The following SLC16A7 variants were observed in gnomAD, a reference collection of about 807,000 sequenced individuals.
SLC16A7 encodes the protein solute carrier family 16 member 7.
A neutral mutation model predicts 34.9 loss-of-function variants in SLC16A7; 33 were observed. The ratio of observed to expected loss-of-function variants is 0.94; its 90% CI spans 0.72 to 1.26. SLC16A7 has a LOEUF of 1.26. SLC16A7 is among the 50% of genes most tolerant of loss of function. The probability of loss-of-function intolerance (pLI) is 0.00; values close to 1 mark genes in which losing one functional copy is unlikely to be tolerated. For synonymous variants in SLC16A7, 201 were observed against 206.6 expected (o/e 0.97, Z 0.23); for missense variants, 573 against 578.1 (o/e 0.99, Z 0.09).
In SLC16A7 at chr12:59,744,178, C is replaced by T. The variant is rs1878635589; in HGVS notation, c.218-27041C>T. ...CCCACCCTCAAGCCTGGAACAGCAG[C>T]CCAAAATGAGAACATACATTTCTTT... On this transcript the variant is annotated intron_variant, in intron 3 of 5. Transcript: ENST00000547379. 3.3e-5 allele frequency among the ~76,000 whole-genome samples: 5 copies of T among 152,188 alleles called. No individual in the cohort carries two copies. The South Asian group carries it at 1.0e-3, about 31-fold the overall frequency.
At chr12:59,766,748 G>A (rs1479417725) in intron 3 of SLC16A7, among the ~76,000 whole-genome samples, 2 of 152,134 alleles carry the variant, frequency 1.3e-5, no homozygotes, top group African/African-American at 4.8e-5. Flanking sequence ...TTTTATTGAG[G>A]ATTTTTGCAT....
At chr12:59,681,732 A>G (rs1870763607) in intron 2 of SLC16A7, among the ~76,000 whole-genome samples, 3 of 152,140 alleles carry the variant, frequency 2.0e-5, no homozygotes. Flanking sequence ...TATACTCTTT[A>G]TTAATTTCTT....
Position 59,740,366 on chromosome 12 carries a change from G to A in SLC16A7, c.218-30853G>A, listed in dbSNP as rs898087181. On this transcript the variant is annotated intron_variant, in intron 3 of 5. Transcript: ENST00000547379. Reference sequence around the variant, plus strand: ...GATCAGATAGTTGTAGATATGCGGCGTTATTTCTGAGGGCTCTGTTCTGTT... The same window carrying A: ...GATCAGATAGTTGTAGATATGCGGCATTATTTCTGAGGGCTCTGTTCTGTT... Among the ~76,000 whole-genome samples, 329 of 152,106 alleles carry A rather than the reference G, an allele frequency of 2.2e-3. 1 individual carries two copies. The highest frequency in any genetic ancestry group is 7.6e-3 in the African/African-American group (314 of 41,476).
At chr12:59,664,108 T>C (rs1380781028) in intron 2 of SLC16A7, among the ~76,000 whole-genome samples, 1 of 151,906 alleles carries the variant, frequency 6.6e-6, no homozygotes, top group Non-Finnish European at 1.5e-5. Context: ...TATATGGCCT[T>C]ACATAAGTAA....
intron 1 of SLC16A7, among the ~76,000 whole-genome samples, chr12:59,628,621 A>G (rs1276745936): frequency 6.6e-6 from 1 of 151,748 alleles, no homozygotes; most frequent in African/African-American, 2.4e-5. Context: ...GGTGAGGGAA[A>G]AAACACATCA....
intron 3 of SLC16A7, chr12:59,719,770 CAG>C: frequency 1.8e-5 from 5 of 270,998 alleles, no homozygotes; most frequent in Admixed American, 5.3e-5. Context: ...CCTCCAAAAA[CAG>C]AGAACTGGTT....
chr12:59,678,005 G>C (rs1870443027), intron 2 of SLC16A7, among the ~76,000 whole-genome samples: 3 of 152,160 alleles, frequency 2.0e-5, no homozygotes. Context: ...TGCTCTGCTG[G>C]CCTGAATATC....
chr12:59,600,657 G>A (rs1192394915), intron 1 of SLC16A7, among the ~76,000 whole-genome samples: 1 of 152,160 alleles, frequency 6.6e-6, no homozygotes, highest in East Asian at 1.9e-4. Context: ...TAGTAAATAA[G>A]TGGAGGGTCT....
At position 59,780,554 on chromosome 12, in the gene SLC16A7, CT is replaced by C. The variant is rs1224755460; in HGVS notation, c.*877del. On this transcript the variant is annotated 3_prime_UTR_variant, in exon 6 of 6. Coordinates refer to ENST00000547379, the MANE Select transcript of SLC16A7 (RefSeq NM_001270623.2). ...CTAATATGTAAAAGTCTGCATGACT[CT>C]TAACAATGAGTCACATCCATTGATT... 12 of 152,026 alleles carry C rather than the reference CT, an allele frequency of 7.9e-5. No individual in the cohort carries two copies. The highest frequency in any genetic ancestry group is 2.9e-4 in the African/African-American group (12 of 41,416). 9.4% of individuals were successfully genotyped at this position (152,026 alleles called of 1,614,324 possible).
In SLC16A7 at chr12:59,789,037, T is replaced by C. The variant is rs527568990; in HGVS notation, c.*9358T>C. 1.3e-5 allele frequency: 2 copies of C among 152,226 alleles called. No individual in the cohort carries two copies. Among genetic ancestry groups the C allele is most frequent in the African/African-American group, 4.8e-5 (2 of 41,582 alleles). The allele number at this position is 152,226 out of a possible 1,614,324, so 9.4% of individuals were successfully genotyped here. ...AACAAATTTGAAACCAAATGTTGAA[T>C]TTCTCTGTGAGGGTACTTATTTTGC... On this transcript the variant is annotated 3_prime_UTR_variant, in exon 6 of 6. Coordinates refer to ENST00000547379, the MANE Select transcript of SLC16A7 (RefSeq NM_001270623.2).
intron 3 of SLC16A7, among the ~76,000 whole-genome samples, chr12:59,705,282 A>G (rs180824275): frequency 6.6e-6 from 1 of 152,292 alleles, no homozygotes; most frequent in Admixed American, 6.5e-5. Flanking sequence ...TAAATTATGG[A>G]ATTTCTAAGT....
chr12:59,597,438 G>A (rs1878474023), intron 1 of SLC16A7, among the ~76,000 whole-genome samples: 1 of 152,132 alleles, frequency 6.6e-6, no homozygotes, highest in Non-Finnish European at 1.5e-5. Flanking sequence ...GGACCCAGAG[G>A]AAAGAGTGAC....
chr12:59,725,745 C>T (rs1404930692), intron 3 of SLC16A7, among the ~76,000 whole-genome samples: 1 of 152,144 alleles, frequency 6.6e-6, no homozygotes, highest in Non-Finnish European at 1.5e-5. Context: ...TATTCCATCA[C>T]TGTCCTTAGT....
chr12:59,658,104 A>C (rs1240370579), intron 2 of SLC16A7, among the ~76,000 whole-genome samples: 2 of 152,028 alleles, frequency 1.3e-5, no homozygotes, highest in African/African-American at 4.8e-5. Flanking sequence ...GATACTTAAA[A>C]ACTATAATCA....
rs982899306 is a variant in SLC16A7, at chr12:59,773,651, G to A, written c.362-1006G>A. On this transcript the variant is annotated intron_variant, in intron 4 of 5. Transcript: ENST00000547379. ...ATGATCTCGGCTCACTGCAATCTCCGCCTCCTCAGTCCAAGCGATTCTCTT... is the reference window on the plus strand; with the variant it reads ...ATGATCTCGGCTCACTGCAATCTCCACCTCCTCAGTCCAAGCGATTCTCTT... 6.0e-5 allele frequency among the ~76,000 whole-genome samples: 9 copies of A among 151,144 alleles called. No homozygotes were observed. In the East Asian group the frequency reaches 9.7e-4, roughly 16 times the overall value.
chr12:59,630,870 T>C (rs1402732178), intron 1 of SLC16A7, among the ~76,000 whole-genome samples: 1 of 151,928 alleles, frequency 6.6e-6, no homozygotes, highest in African/African-American at 2.4e-5. Flanking sequence ...AATTTGCTTT[T>C]TGTCAAATTG....
chr12:59,637,870 A>G (rs1033930756), intron 1 of SLC16A7, among the ~76,000 whole-genome samples: 35 of 152,118 alleles, frequency 2.3e-4, no homozygotes, highest in Admixed American at 3.9e-4. Context: ...TTGGCTTGCT[A>G]TAAAAGCAAG....
At chr12:59,681,204 T>C (rs566932785) in intron 2 of SLC16A7, among the ~76,000 whole-genome samples, 7 of 152,316 alleles carry the variant, frequency 4.6e-5, no homozygotes, top group African/African-American at 1.7e-4. Context: ...TAGCATCAGT[T>C]CTTAATCACC....
intron 2 of SLC16A7, among the ~76,000 whole-genome samples, chr12:59,677,193 A>C (rs528736500): frequency 2.0e-5 from 3 of 152,174 alleles, no homozygotes; most frequent in Non-Finnish European, 4.4e-5. Flanking sequence ...TTCTAGTAAA[A>C]AGACAAAATC....
Sources: gnomAD v4.1 joint callset for allele counts (sites outside exome capture counted in the v4.1 genomes callset) on GRCh38, gnomAD v4.1.1 for gene constraint, MANE v1.5 for transcripts, NCBI Gene and HGNC (gene_info 2026-07-23, HGNC 2026-07-21) for gene names.